Variants in MYO1C observed in about 807,000 individuals in gnomAD.
MYO1C encodes the protein unconventional myosin-Ic.
Under a neutral mutation model 150.8 loss-of-function variants are expected in MYO1C, and 104 were observed. The observed-to-expected ratio is 0.69, with a 90% CI of 0.59 to 0.81. The LOEUF is 0.81. MYO1C is among the 30% of genes least tolerant of loss of function. The pLI is 0.00. For synonymous variants in MYO1C, 663 were observed against 579.9 expected (o/e 1.14, Z -2.06); for missense variants, 1,504 against 1,435.0 (o/e 1.05, Z -0.78).
intron 1 of MYO1C, chr17:1,485,462 GTCAGGGGTCTCCGCGTTC>G (rs1191837065): frequency 1.4e-6 from 1 of 691,578 alleles, no homozygotes; most frequent in Non-Finnish European, 1.9e-6. Flanking sequence ...TCGCCCTCGG[GTCAGGGGTCTCCGCGTTC>G]TCAGGCGTCC....
chr17:1,467,867 A>G lies in MYO1C; in HGVS notation c.2940T>C (p.His980=), dbSNP rs142283632. The G allele has an allele frequency of 3.9e-4, 633 of 1,609,118 alleles. 2 individuals are homozygous for G. The African/African-American group carries it at 5.3e-3, about 13-fold the overall frequency. ...SSLSDSLFVL[H]VQRADNKQKG... Reference sequence around the variant, plus strand: ...TTTGCTTATTGTCCGCACGCTGTACATGAAGCACAAAAAGACTGTCGCTCA... The same window carrying G: ...TTTGCTTATTGTCCGCACGCTGTACGTGAAGCACAAAAAGACTGTCGCTCA... Residue 980 remains histidine, a synonymous_variant, in exon 29 of 32, where the codon CAT becomes CAC. Transcript: ENST00000648651.
chr17:1,469,683 T>C (rs2074258458), intron 24 of MYO1C, 69 bp from the exon 25 acceptor site: 3 of 1,255,962 alleles, frequency 2.4e-6, no homozygotes, highest in Non-Finnish European at 3.4e-6. Context: ...ATCGAACATA[T>C]GCTACTGCAT....
At chr17:1,475,262 T>G (rs1176051384) in intron 14 of MYO1C, among the ~76,000 whole-genome samples, 1 of 151,914 alleles carries the variant, frequency 6.6e-6, no homozygotes, top group Non-Finnish European at 1.5e-5. Context: ...CTACCAAAAA[T>G]ACAAAAATTA....
At chr17:1,482,425 C>T in intron 5 of MYO1C, 53 bp downstream of exon 5, 1 of 1,511,648 alleles carries the variant, frequency 6.6e-7, no homozygotes, top group Non-Finnish European at 9.2e-7. Context: ...AGGTGCTTCA[C>T]ACGTGTAGAG....
At chr17:1,487,066 GTTC>G (rs2074669726) in intron 1 of MYO1C, 2 of 152,458 alleles carry the variant, frequency 1.3e-5, no homozygotes, top group Non-Finnish European at 2.9e-5. Flanking sequence ...TTCGGCTTCT[GTTC>G]TTCATCCCTA....
rs4790518 is a variant in MYO1C at position 1,480,772 on chromosome 17, G to A, written c.741C>T (p.Gly247=). The part of the protein sequence containing the change: ...FHIFYQLLEG[G]EEETLRRLGL... ...CCAGCCTGCGAAGAGTCTCCTCCTC[G>A]CCCCCCTCCAGCAGCTGGTAGAAGA... The change falls in exon 6 of 32, where the codon GGC becomes GGT. Residue 247 remains glycine (G), a synonymous_variant. Coordinates refer to ENST00000648651, the MANE Select transcript of MYO1C (RefSeq NM_001080779.2). The A allele has an allele frequency of 4.2e-4, 676 of 1,614,078 alleles. 6 individuals are homozygous for A. The East Asian group carries it at 0.012, about 29-fold the overall frequency.
In MYO1C at chr17:1,471,987, C is replaced by T. The variant is rs1191633018; in HGVS notation, c.1941G>A (p.Lys647=). 6.2e-7 allele frequency: 1 copy of T among 1,614,090 alleles called. No homozygotes were observed. The highest frequency in any genetic ancestry group is 1.1e-5 in the South Asian group (1 of 91,090). The change falls in exon 19 of 32, where the codon AAG becomes AAA. Residue 647 remains lysine, a synonymous_variant. Transcript: ENST00000648651. ...FDEVLIRHQV[K]YLGLLENLRV... is the part of the protein sequence containing the mutation. ...GCAGGTTTTCCAACAGCCCCAGGTA[C>T]TTCACCTGGTGGCGGATCAGCACCT...
chr17:1,483,601 G>T lies in MYO1C; in HGVS notation c.347+9C>A. The T allele has an allele frequency of 1.9e-6, 3 of 1,597,990 alleles. No individual in the cohort carries two copies. Among genetic ancestry groups the T allele is most frequent in the Admixed American group, 1.7e-5 (1 of 57,892 alleles). ...AGGGGTCGCTCCCGGAGGGGCTGGG[G>T]TCACTCACAGGTGAGGGGGCACTTC... On this transcript the variant is annotated intron_variant, in intron 3 of 31. Transcript: ENST00000648651.
rs1351409853 is a variant in MYO1C at position 1,468,424 on chromosome 17, G to C, written c.2683C>G (p.Leu895Val). The C allele has an allele frequency of 6.2e-7, 1 of 1,614,088 alleles. No individual in the cohort carries two copies. Among genetic ancestry groups the C allele is most frequent in the South Asian group, 1.1e-5 (1 of 91,078 alleles). Residue 895 changes from leucine (L) to valine (V), a missense_variant, in exon 26 of 32, where the codon CTC (leucine) becomes GTC (valine). Leu to Val is a conservative substitution (Grantham distance 32, BLOSUM62 1). Coordinates refer to ENST00000648651, the MANE Select transcript of MYO1C (RefSeq NM_001080779.2). The part of the protein sequence containing the change: ...KDNYPQSVPR[L>V]FISTRLGTDE... Reference sequence around the variant, plus strand: ...TCACCAAGCCGAGTGCTGATGAAGAGCCTGGGTACACTCTGAGGGTAATTA... The same window carrying C: ...TCACCAAGCCGAGTGCTGATGAAGACCCTGGGTACACTCTGAGGGTAATTA...
intron 1 of MYO1C, chr17:1,486,291 A>G (rs1171961852): frequency 6.6e-6 from 1 of 152,118 alleles, no homozygotes; most frequent in Admixed American, 6.5e-5. Flanking sequence ...CGAACCCAGG[A>G]AGATCTTGGT....
At chr17:1,481,894 G>A (rs1003809964) in intron 5 of MYO1C, among the ~76,000 whole-genome samples, 4 of 150,512 alleles carry the variant, frequency 2.7e-5, no homozygotes, top group African/African-American at 4.9e-5. Flanking sequence ...CTCTCTGTTC[G>A]CGGGCCCCTG....
At chr17:1,492,330 G>T in intron 1 of MYO1C, 83 bp downstream of exon 1, 2 of 1,397,132 alleles carry the variant, frequency 1.4e-6, no homozygotes, top group Admixed American at 3.9e-5. Context: ...CTCAGCTCTT[G>T]CCCGAGGGCT....
At chr17:1,477,466 G>T in intron 14 of MYO1C, 39 bp downstream of exon 14, 1 of 1,581,746 alleles carries the variant, frequency 6.3e-7, no homozygotes, top group Non-Finnish European at 8.7e-7. Context: ...TCTGCTGCAA[G>T]TGAGCCCTTG....
In MYO1C at chr17:1,483,016, G is replaced by A. The variant is rs200048542; in HGVS notation, c.391C>T (p.Arg131Cys). The change falls in exon 4 of 32, where the codon CGT becomes TGT. Residue 131 changes from arginine to cysteine, a missense_variant. Coordinates refer to ENST00000648651, the MANE Select transcript of MYO1C (RefSeq NM_001080779.2). ...GAGATCATCACAGCCTGGTCCCGAC[G>A]CTCCGTGCGCAGTGCTCGGTACACA... is the stretch of plus-strand genomic sequence containing the variant. The part of the protein sequence containing the change: ...DTVYRALRTE[R>C]RDQAVMISGE... 610 of 1,611,726 alleles carry A rather than the reference G, an allele frequency of 3.8e-4. 1 individual carries two copies. The highest frequency in any genetic ancestry group is 3.4e-4 in the Non-Finnish European group (405 of 1,179,850).
chr17:1,490,256 G>A (rs992901058), intron 1 of MYO1C, among the ~76,000 whole-genome samples: 1 of 151,148 alleles, frequency 6.6e-6, no homozygotes, highest in Non-Finnish European at 1.5e-5. Context: ...CCAGCACTTT[G>A]GTAGGCCTAG....
At chr17:1,491,775 G>C in intron 1 of MYO1C, 1 of 513,508 alleles carries the variant, frequency 1.9e-6, no homozygotes, top group South Asian at 8.3e-5. Context: ...CCTCAGCCCC[G>C]GCCGCGTCCG....
At chr17:1,476,932 G>A (rs373155386) in intron 14 of MYO1C, among the ~76,000 whole-genome samples, 169 of 151,016 alleles carry the variant, frequency 1.1e-3, no homozygotes, top group East Asian at 7.9e-4. Context: ...TGCACCTCCC[G>A]GGTTCGAGCG....
chr17:1,475,116 A>G (rs756654086), intron 14 of MYO1C, 84 bp from the exon 15 acceptor site: 4 of 1,411,830 alleles, frequency 2.8e-6, no homozygotes, highest in Non-Finnish European at 3.9e-6. Flanking sequence ...AGGAGCAGGA[A>G]CCAGCTGCCC....
intron 14 of MYO1C, 50 bp downstream of exon 14, chr17:1,477,455 C>T (rs377400915): frequency 1.3e-6 from 2 of 1,547,242 alleles, no homozygotes; most frequent in Non-Finnish European, 1.8e-6. Context: ...ACTCCGCAGG[C>T]TCTGCTGCAA....
Sources: allele counts gnomAD v4.1 joint callset (sites outside exome capture counted in the v4.1 genomes callset), GRCh38; gene constraint gnomAD v4.1.1; transcripts MANE v1.5; gene names NCBI Gene and HGNC (gene_info 2026-07-23, HGNC 2026-07-21).